Variants in NCOA2 observed in about 807,000 individuals in gnomAD.
The protein encoded by NCOA2 is nuclear receptor coactivator 2, also known as class E basic helix-loop-helix protein 75.
A neutral mutation model predicts 145.1 loss-of-function variants in NCOA2; 21 were observed. The ratio of observed to expected loss-of-function variants is 0.14; its 90% CI spans 0.10 to 0.21. NCOA2 has a LOEUF of 0.21. NCOA2 is among the 10% of genes least tolerant of loss of function. The pLI is 1.00. For missense variants in NCOA2, 1,472 were observed against 1,837.6 expected, an observed-to-expected ratio of 0.80 and a Z score of 3.64; for synonymous variants, 619 against 637.5, an observed-to-expected ratio of 0.97 and a Z score of 0.44.
the NCOA2 span, among the ~76,000 whole-genome samples, chr8:70,443,185 T>C: frequency 6.6e-6 from 1 of 150,382 alleles, no homozygotes; most frequent in African/African-American, 2.5e-5. Context: ...AGCAATGAAG[T>C]GACACTCCAT....
chr8:70,304,241 C>T (rs1827712635), intron 1 of NCOA2, among the ~76,000 whole-genome samples: 2 of 152,110 alleles, frequency 1.3e-5, no homozygotes, highest in South Asian at 4.1e-4. Flanking sequence ...TTTTACTGCA[C>T]TTTTTTATAT....
At chr8:70,413,537 G>T in the NCOA2 span, among the ~76,000 whole-genome samples, 1 of 152,134 alleles carries the variant, frequency 6.6e-6, no homozygotes, top group Non-Finnish European at 1.5e-5. Context: ...TAATGCCTTT[G>T]CGAAACAGAC....
At chr8:70,409,859 A>T in the NCOA2 span, among the ~76,000 whole-genome samples, 1 of 152,070 alleles carries the variant, frequency 6.6e-6, no homozygotes, top group Non-Finnish European at 1.5e-5. Context: ...GAGCCTGAGC[A>T]AGAGAGCAAG....
intron 22 of NCOA2, among the ~76,000 whole-genome samples, chr8:70,119,479 A>C (rs891767844): frequency 1.8e-4 from 28 of 152,178 alleles, no homozygotes; most frequent in African/African-American, 6.5e-4. Flanking sequence ...ACACAGGTTG[A>C]TTCTGTATCT....
the NCOA2 span, among the ~76,000 whole-genome samples, chr8:70,410,972 A>G: frequency 6.6e-6 from 1 of 152,102 alleles, no homozygotes; most frequent in Non-Finnish European, 1.5e-5. Flanking sequence ...ATTAATATTG[A>G]TTTAGGTGAT....
At chr8:70,417,061 A>G in the NCOA2 span, among the ~76,000 whole-genome samples, 2 of 152,050 alleles carry the variant, frequency 1.3e-5, no homozygotes, top group Non-Finnish European at 1.5e-5. Context: ...ATAAGGAAAC[A>G]ATTACAGCCT....
At chr8:70,184,464 C>T (rs548320350) in intron 4 of NCOA2, among the ~76,000 whole-genome samples, 1 of 152,112 alleles carries the variant, frequency 6.6e-6, no homozygotes, top group Non-Finnish European at 1.5e-5. Flanking sequence ...TCTTGTCCCT[C>T]CCACGCAGAG....
intron 1 of NCOA2, among the ~76,000 whole-genome samples, chr8:70,317,641 G>C (rs1165189642): frequency 1.3e-5 from 2 of 152,146 alleles, no homozygotes; most frequent in Admixed American, 6.5e-5. Flanking sequence ...AGATAATTTA[G>C]AATTACAATG....
intron 3 of NCOA2, 54 bp downstream of exon 3, chr8:70,216,606 A>T (rs527981103): frequency 1.1e-5 from 15 of 1,370,838 alleles, no homozygotes; most frequent in Non-Finnish European, 1.6e-5. Flanking sequence ...ACAAAGAAGC[A>T]CTCATGTGGC....
At chr8:70,306,740 G>C (rs1203954635) in intron 1 of NCOA2, among the ~76,000 whole-genome samples, 6 of 152,126 alleles carry the variant, frequency 3.9e-5, no homozygotes, top group Non-Finnish European at 8.8e-5. Context: ...TTAGCCAGGT[G>C]TGGTGGCGCG....
chr8:70,243,824 C>T lies in NCOA2; in HGVS notation c.-19-27060G>A, dbSNP rs140717364. Among the ~76,000 whole-genome samples the T allele has an allele frequency of 7.6e-5, 11 of 144,218 alleles. No individual in the cohort carries two copies. In the East Asian group the frequency reaches 1.6e-3, roughly 21 times the overall value. 94.6% of individuals were successfully genotyped at this position (144,218 alleles called of 152,430 possible). On this transcript the variant is annotated intron_variant, in intron 2 of 22. Transcript: ENST00000452400. Reference sequence around the variant, plus strand: ...AAAAAAAAAAGAATGTGGGAGAATACGATAGTTAAAAAAAATCCCAAATTA... The same window carrying T: ...AAAAAAAAAAGAATGTGGGAGAATATGATAGTTAAAAAAAATCCCAAATTA...
the NCOA2 span, among the ~76,000 whole-genome samples, chr8:70,454,000 G>A: frequency 4.7e-4 from 72 of 152,278 alleles, no homozygotes; most frequent in African/African-American, 1.7e-3. Flanking sequence ...TTCATTTAAA[G>A]TAACTCTCAT....
chr8:70,413,295 T>G, the NCOA2 span, among the ~76,000 whole-genome samples: 2 of 152,156 alleles, frequency 1.3e-5, no homozygotes, highest in East Asian at 3.9e-4. Flanking sequence ...CTCAACACTA[T>G]CCATCTCTAG....
intron 15 of NCOA2, among the ~76,000 whole-genome samples, chr8:70,136,191 C>T (rs1046595778): frequency 7.2e-5 from 11 of 152,086 alleles, no homozygotes; most frequent in Middle Eastern, 3.4e-3. Flanking sequence ...CTGGCCAACA[C>T]GGCAAAAGCC....
At position 70,159,231 on chromosome 8, in the gene NCOA2, TATATATATA is replaced by T. The variant is rs1200837725; in HGVS notation, c.1124+265_1124+273del. Reference sequence around the variant, plus strand: ...ATAATACAGTATAACATTATATATATATATATATATATTTTTTTTTTTTTCCCCCAAATA... The same window carrying T: ...ATAATACAGTATAACATTATATATATTATTTTTTTTTTTTTCCCCCAAATA... On this transcript the variant is annotated intron_variant, in intron 10 of 22. Transcript: ENST00000452400. Among the ~76,000 whole-genome samples, 43 of 76,360 alleles carry T rather than the reference TATATATATA, an allele frequency of 5.6e-4. 1 individual carries two copies. Among genetic ancestry groups the T allele is most frequent in the Middle Eastern group, 5.9e-3 (1 of 170 alleles). 50.1% of individuals were successfully genotyped at this position (76,360 alleles called of 152,430 possible).
At chr8:70,353,856 C>G (rs1165803270) in intron 1 of NCOA2, among the ~76,000 whole-genome samples, 1 of 152,090 alleles carries the variant, frequency 6.6e-6, no homozygotes, top group Non-Finnish European at 1.5e-5. Flanking sequence ...CCATTAAGAC[C>G]TTTAGATATG....
At chr8:70,197,778 T>C (rs1817485024) in intron 4 of NCOA2, among the ~76,000 whole-genome samples, 1 of 152,208 alleles carries the variant, frequency 6.6e-6, no homozygotes, top group African/African-American at 2.4e-5. Flanking sequence ...ATTCATACCT[T>C]CTTAAAGCAT....
the NCOA2 span, among the ~76,000 whole-genome samples, chr8:70,420,939 G>A: frequency 4.6e-5 from 7 of 152,124 alleles, no homozygotes; most frequent in South Asian, 2.1e-4. Context: ...CACTGCACCC[G>A]GCCAGAAGTG....
At chr8:70,434,624 A>G in the NCOA2 span, among the ~76,000 whole-genome samples, 1 of 152,254 alleles carries the variant, frequency 6.6e-6, no homozygotes, top group East Asian at 1.9e-4. Flanking sequence ...GCTGGAGCTC[A>G]GTGATGGAAT....
Sources: gnomAD v4.1 joint callset for allele counts (sites outside exome capture counted in the v4.1 genomes callset) on GRCh38, gnomAD v4.1.1 for gene constraint, MANE v1.5 for transcripts, NCBI Gene and HGNC (gene_info 2026-07-23, HGNC 2026-07-21) for gene names.